Variants in DNAH8 observed in about 807,000 individuals in gnomAD.
DNAH8 encodes axonemal beta dynein heavy chain 8.
DNAH8 carries 382 observed loss-of-function variants against 562.1 expected under a neutral mutation model. That is an observed-to-expected ratio of 0.68 (90% CI 0.63 to 0.74). The LOEUF (loss-of-function observed/expected upper bound fraction) is 0.74, where lower values mean the gene tolerates loss of function less well. Among genes scored for constraint, DNAH8 ranks in the 30% least tolerant of loss-of-function variants. The pLI is 0.00. For synonymous variants in DNAH8, 1,881 were observed against 1,919.4 expected, an observed-to-expected ratio of 0.98 and a Z score of 0.52; for missense variants, 5,203 against 5,620.4, an observed-to-expected ratio of 0.93 and a Z score of 2.37.
chr6:38,982,800 C>T lies in DNAH8; in HGVS notation c.12951+338C>T, dbSNP rs571223884. ...GCCTCCTCAGAAGTGAAGATGGTAT[C>T]TGCCTGCCCATGCGAAAGTTCTTTC... is the stretch of plus-strand genomic sequence containing the variant. On this transcript the variant is annotated intron_variant, in intron 86 of 92. Coordinates refer to ENST00000327475, the MANE Select transcript of DNAH8 (RefSeq NM_001206927.2). 2.0e-5 allele frequency among the ~76,000 whole-genome samples: 3 copies of T among 152,368 alleles called. No homozygotes were observed. In the South Asian group the frequency reaches 6.2e-4, roughly 32 times the overall value.
chr6:38,909,494 G>A, intron 64 of DNAH8, 24 bp from the exon 65 acceptor site: 1 of 1,610,278 alleles, frequency 6.2e-7, no homozygotes, highest in African/African-American at 1.3e-5. Context: ...TGTTTCTAAT[G>A]TTTGTTGACT....
intron 58 of DNAH8, 56 bp from the exon 59 acceptor site, chr6:38,894,645 C>T (rs778302881): frequency 8.2e-6 from 11 of 1,340,674 alleles, no homozygotes; most frequent in Non-Finnish European, 1.2e-5. Context: ...AAAAGTAATT[C>T]TACTTTTAGT....
In DNAH8 at chr6:38,934,799, T is replaced by C. The variant is rs142744184; in HGVS notation, c.11458-793T>C. Among the ~76,000 whole-genome samples, 8 of 152,274 alleles carry C rather than the reference T, an allele frequency of 5.3e-5. No individual in the cohort carries two copies. In the East Asian group the frequency reaches 1.5e-3, roughly 29 times the overall value. The stretch of plus-strand genomic sequence containing the variant: ...TAAAGTGTTTAGGGGTAAAAGGACA[T>C]GACATCCACGAGTGATTCAGCAGTA... On this transcript the variant is annotated intron_variant, in intron 76 of 92. Transcript: ENST00000327475.
chr6:38,776,785 C>G (rs1768122548), intron 13 of DNAH8, among the ~76,000 whole-genome samples: 1 of 152,160 alleles, frequency 6.6e-6, no homozygotes, highest in African/African-American at 2.4e-5. Context: ...TCAGATGAGA[C>G]TGTAAGATGT....
Position 38,866,593 on chromosome 6 carries a change from C to T in DNAH8, c.6501C>T (p.Asn2167=). The T allele has an allele frequency of 3.1e-6, 5 of 1,602,926 alleles. No individual in the cohort carries two copies. The highest frequency in any genetic ancestry group is 4.3e-6 in the Non-Finnish European group (5 of 1,175,982). ...ATTAAACATATTTTAACTTTTAGAACCCTGGATATGCTGGGCGCCAGGAAC... is the reference window on the plus strand; with the variant it reads ...ATTAAACATATTTTAACTTTTAGAATCCTGGATATGCTGGGCGCCAGGAAC... The part of the protein sequence containing the change: ...NPEFGIFLTM[N]PGYAGRQELP... The change falls in exon 46 of 93, where the codon AAC becomes AAT. Residue 2167 remains asparagine (N), a splice_region_variant and synonymous_variant. Transcript: ENST00000327475.
intron 1 of DNAH8, among the ~76,000 whole-genome samples, chr6:38,721,331 TAAACAAAC>T (rs34225597): frequency 1.3e-5 from 2 of 150,374 alleles, no homozygotes; most frequent in Non-Finnish European, 3.0e-5. Flanking sequence ...ATAAAAATAA[TAAACAAAC>T]AAACAAACAA....
chr6:38,895,803 G>A lies in DNAH8; in HGVS notation c.8748-230G>A, dbSNP rs947914634. Among the ~76,000 whole-genome samples the A allele has an allele frequency of 2.0e-5, 3 of 152,166 alleles. No individual in the cohort carries two copies. In the South Asian group the frequency reaches 6.2e-4, roughly 32 times the overall value. Reference sequence around the variant, plus strand: ...CTGCTCTCCTATCGCAAGTTTTAGGGACCTTTGATCTCACCTAAGTGATTC... The same window carrying A: ...CTGCTCTCCTATCGCAAGTTTTAGGAACCTTTGATCTCACCTAAGTGATTC... On this transcript the variant is annotated intron_variant, in intron 59 of 92. Coordinates refer to ENST00000327475, the MANE Select transcript of DNAH8 (RefSeq NM_001206927.2).
chr6:38,849,029 G>A lies in DNAH8; in HGVS notation c.5199+228G>A, dbSNP rs150407516. On this transcript the variant is annotated intron_variant, in intron 37 of 92. Transcript: ENST00000327475. ...TGTAGCACCACAACAGCAGAGTTGA[G>A]TAGTTATAACTGAGATTATACGGCC... 3.3e-5 allele frequency among the ~76,000 whole-genome samples: 5 copies of A among 152,202 alleles called. No homozygotes were observed. In the East Asian group the frequency reaches 9.7e-4, roughly 29 times the overall value.
At chr6:38,785,736 G>C (rs1438282465) in intron 17 of DNAH8, among the ~76,000 whole-genome samples, 1 of 151,688 alleles carries the variant, frequency 6.6e-6, no homozygotes, top group Non-Finnish European at 1.5e-5. Flanking sequence ...TGCAGTGCTT[G>C]GTTTTCTGTT....
At chr6:38,766,713 C>T (rs114151056) in intron 11 of DNAH8, among the ~76,000 whole-genome samples, 4,833 of 151,980 alleles carry the variant, frequency 0.032, 236 homozygotes, top group African/African-American at 0.1. Context: ...ACACCCCCCA[C>T]CCCAAAAAAT....
At chr6:38,879,937 T>C (rs1345064558) in intron 53 of DNAH8, among the ~76,000 whole-genome samples, 3 of 152,104 alleles carry the variant, frequency 2.0e-5, no homozygotes, top group Non-Finnish European at 4.4e-5. Context: ...AGAATACCAG[T>C]TAAAATAGAA....
chr6:38,832,898 G>T (rs1346021182), intron 31 of DNAH8, among the ~76,000 whole-genome samples: 1 of 151,888 alleles, frequency 6.6e-6, no homozygotes, highest in Non-Finnish European at 1.5e-5. Context: ...GGAACAAAGG[G>T]TCTGGTTTTG....
At chr6:38,870,014 G>A (rs180839774) in intron 48 of DNAH8, among the ~76,000 whole-genome samples, 263 of 152,294 alleles carry the variant, frequency 1.7e-3, no homozygotes, top group Non-Finnish European at 2.1e-3. Context: ...TGAATGAGGA[G>A]CAAAGTCACG....
At position 38,808,831 on chromosome 6, in the gene DNAH8, A is replaced by G. The variant is rs188629631; in HGVS notation, c.3257+1115A>G. Among the ~76,000 whole-genome samples the G allele has an allele frequency of 3.0e-4, 46 of 152,328 alleles. 1 individual carries two copies. In the East Asian group the frequency reaches 8.5e-3, roughly 28 times the overall value. ...TGGAAACCATCATTCTCAGCAAACT[A>G]ACACAAGAGCAGAAAACCAAACACC... is the stretch of plus-strand genomic sequence containing the variant. On this transcript the variant is annotated intron_variant, in intron 24 of 92. Transcript: ENST00000327475.
intron 82 of DNAH8, among the ~76,000 whole-genome samples, chr6:38,967,868 A>G (rs1472332232): frequency 3.9e-5 from 6 of 152,170 alleles, no homozygotes; most frequent in Non-Finnish European, 1.5e-5. Flanking sequence ...GCTTCCCAAA[A>G]TCAAGACTTA....
rs560162927 is a variant in DNAH8, at chr6:38,994,688, C to T, written c.13214+4516C>T. Among the ~76,000 whole-genome samples the T allele has an allele frequency of 4.7e-5, 7 of 148,310 alleles. No homozygotes were observed. In the South Asian group the frequency reaches 8.6e-4, roughly 18 times the overall value. ...TTTGAGCCGGAGTCATGCTCTGTTG[C>T]CCAGGCTGGAGTGCTGTGGCATGAT... On this transcript the variant is annotated intron_variant, in intron 88 of 92. Coordinates refer to ENST00000327475, the MANE Select transcript of DNAH8 (RefSeq NM_001206927.2).
intron 32 of DNAH8, among the ~76,000 whole-genome samples, chr6:38,836,888 GA>G: frequency 6.6e-6 from 1 of 151,184 alleles, no homozygotes; most frequent in East Asian, 1.9e-4. Context: ...CTTGCAACCT[GA>G]AGGAAAAAAA....
intron 21 of DNAH8, among the ~76,000 whole-genome samples, chr6:38,795,285 CAA>C (rs1770125229): frequency 6.6e-6 from 1 of 152,120 alleles, no homozygotes; most frequent in South Asian, 2.1e-4. Flanking sequence ...TGCTAAGACT[CAA>C]GAGTGTAAGT....
At chr6:39,024,468 A>G (rs978085608) in intron 91 of DNAH8, among the ~76,000 whole-genome samples, 6 of 152,144 alleles carry the variant, frequency 3.9e-5, no homozygotes, top group Non-Finnish European at 7.3e-5. Context: ...TATTTTTGTC[A>G]TATATACCAT....
Sources: gnomAD v4.1 joint callset for allele counts (sites outside exome capture counted in the v4.1 genomes callset) on GRCh38, gnomAD v4.1.1 for gene constraint, MANE v1.5 for transcripts, NCBI Gene and HGNC (gene_info 2026-07-23, HGNC 2026-07-21) for gene names.